NPFFR2: variants seen among roughly 807,000 people sequenced by gnomAD.
NPFFR2 encodes the protein G-protein coupled receptor 74.
In NPFFR2, 15 loss-of-function variants were observed where a neutral mutation model predicts 13.1. That is an observed-to-expected ratio of 1.15 (90% CI 0.77 to 1.76). The LOEUF (loss-of-function observed/expected upper bound fraction) is 1.76, where lower values mean the gene tolerates loss of function less well. Among genes scored for constraint, NPFFR2 ranks in the 40% most tolerant of loss-of-function variants. The pLI is 0.00. For missense variants in NPFFR2, 572 were observed against 503.5 expected (o/e 1.14, Z -1.30); for synonymous variants, 190 against 175.7 (o/e 1.08, Z -0.65).
chr4:72,047,704 C>T lies in NPFFR2; in HGVS notation c.-8+15504C>T, dbSNP rs145034475. Among the ~76,000 whole-genome samples the T allele has an allele frequency of 2.0e-5, 3 of 152,076 alleles. No homozygotes were observed. The East Asian group carries it at 5.8e-4, about 29-fold the overall frequency. On this transcript the variant is annotated intron_variant, in intron 1 of 3. Coordinates refer to ENST00000308744, the MANE Select transcript of NPFFR2 (RefSeq NM_004885.3). ...TTGTGTTTAATTCACAGCAGAAGATCCTAAATGAGTAATGAATGAATAAAA... is the reference window on the plus strand; with the variant it reads ...TTGTGTTTAATTCACAGCAGAAGATTCTAAATGAGTAATGAATGAATAAAA...
rs561376350 is a variant in NPFFR2, at chr4:72,084,836, T to C, written c.-7-43749T>C. Among the ~76,000 whole-genome samples, 174 of 152,206 alleles carry C rather than the reference T, an allele frequency of 1.1e-3. 1 individual carries two copies. Among genetic ancestry groups the C allele is most frequent in the Non-Finnish European group, 3.2e-4 (22 of 68,012 alleles). ...TTCCACATATTTACTCAGAGAGCTC[T>C]TTTCGCCCACAGCACTAGGCAGCTG... On this transcript the variant is annotated intron_variant, in intron 1 of 3. Coordinates refer to ENST00000308744, the MANE Select transcript of NPFFR2 (RefSeq NM_004885.3).
chr4:72,094,374 G>C (rs574242839), intron 1 of NPFFR2, among the ~76,000 whole-genome samples: 2 of 152,304 alleles, frequency 1.3e-5, no homozygotes, highest in South Asian at 4.1e-4. Context: ...GAGGATACAA[G>C]CTTGGCCTAG....
chr4:72,115,117 G>A (rs760014305), intron 1 of NPFFR2, among the ~76,000 whole-genome samples: 1 of 152,026 alleles, frequency 6.6e-6, no homozygotes, highest in South Asian at 2.1e-4. Context: ...ATTTTTGTCT[G>A]TTCATGGCCA....
At chr4:72,123,997 T>C (rs1375024552) in intron 1 of NPFFR2, among the ~76,000 whole-genome samples, 1 of 152,196 alleles carries the variant, frequency 6.6e-6, no homozygotes, top group Non-Finnish European at 1.5e-5. Flanking sequence ...GATGATATGA[T>C]TGTATATTTA....
At chr4:72,079,087 C>CACACACACACAT (rs1553890218) in intron 1 of NPFFR2, among the ~76,000 whole-genome samples, 1,827 of 143,268 alleles carry the variant, frequency 0.013, 44 homozygotes, top group African/African-American at 0.044. Flanking sequence ...CACACACACA[C>CACACACACACAT]ATCTGTTGAA....
intron 1 of NPFFR2, among the ~76,000 whole-genome samples, chr4:72,109,081 G>A (rs1318899818): frequency 6.6e-6 from 1 of 152,042 alleles, no homozygotes; most frequent in Non-Finnish European, 1.5e-5. Flanking sequence ...AAAACTTACA[G>A]TATCAATCAG....
At chr4:72,096,091 T>G (rs1721064928) in intron 1 of NPFFR2, among the ~76,000 whole-genome samples, 1 of 152,232 alleles carries the variant, frequency 6.6e-6, no homozygotes, top group Non-Finnish European at 1.5e-5. Flanking sequence ...AAAGTCTTTT[T>G]TCAAATTATG....
chr4:72,032,647 A>T (rs1444619969), intron 1 of NPFFR2, among the ~76,000 whole-genome samples: 3 of 152,240 alleles, frequency 2.0e-5, no homozygotes, highest in African/African-American at 7.2e-5. Context: ...AGAAAAGCTG[A>T]AATCAGGTTT....
chr4:72,057,572 A>C (rs1410023578), intron 1 of NPFFR2, among the ~76,000 whole-genome samples: 2 of 151,950 alleles, frequency 1.3e-5, no homozygotes, highest in Non-Finnish European at 2.9e-5. Context: ...CACTGGATTT[A>C]GGGCTCACCC....
At chr4:72,075,857 T>C (rs115252515) in intron 1 of NPFFR2, among the ~76,000 whole-genome samples, 2,260 of 151,990 alleles carry the variant, frequency 0.015, 65 homozygotes, top group African/African-American at 0.051. Flanking sequence ...GTGGTGATGG[T>C]TGCACAACAA....
chr4:72,086,364 A>G (rs1720770811), intron 1 of NPFFR2, among the ~76,000 whole-genome samples: 1 of 152,090 alleles, frequency 6.6e-6, no homozygotes, highest in African/African-American at 2.4e-5. Flanking sequence ...GGACCAGAAC[A>G]TGGATATCAC....
intron 1 of NPFFR2, among the ~76,000 whole-genome samples, chr4:72,122,319 C>T (rs1721906638): frequency 6.6e-6 from 1 of 152,064 alleles, no homozygotes; most frequent in Non-Finnish European, 1.5e-5. Flanking sequence ...CTTTAACACC[C>T]CACTGTCAAT....
intron 2 of NPFFR2, among the ~76,000 whole-genome samples, chr4:72,136,825 G>A (rs1336116337): frequency 6.6e-6 from 1 of 152,112 alleles, no homozygotes; most frequent in Non-Finnish European, 1.5e-5. Context: ...AAAAGCCAGT[G>A]GCATCTAATT....
At chr4:72,051,129 G>A (rs1419401703) in intron 1 of NPFFR2, among the ~76,000 whole-genome samples, 1 of 151,858 alleles carries the variant, frequency 6.6e-6, no homozygotes, top group Admixed American at 6.6e-5. Context: ...TATATACCCA[G>A]TAATGGGATG....
chr4:72,117,904 G>A (rs1721756978), intron 1 of NPFFR2, among the ~76,000 whole-genome samples: 1 of 152,146 alleles, frequency 6.6e-6, no homozygotes, highest in Non-Finnish European at 1.5e-5. Context: ...TACTTTGCTT[G>A]TGTTCTGGTA....
At chr4:72,118,224 G>A (rs577502523) in intron 1 of NPFFR2, among the ~76,000 whole-genome samples, 20 of 152,196 alleles carry the variant, frequency 1.3e-4, no homozygotes, top group Admixed American at 7.9e-4. Flanking sequence ...GACATTTAGC[G>A]GATTAGTTAA....
At chr4:72,053,534 T>C (rs1286661267) in intron 1 of NPFFR2, among the ~76,000 whole-genome samples, 4 of 152,010 alleles carry the variant, frequency 2.6e-5, no homozygotes, top group African/African-American at 4.8e-5. Context: ...TATTACCATG[T>C]ATTTTGTTTT....
At chr4:72,060,229 T>C (rs13149757) in intron 1 of NPFFR2, among the ~76,000 whole-genome samples, 1 of 152,120 alleles carries the variant, frequency 6.6e-6, no homozygotes, top group Non-Finnish European at 1.5e-5. Flanking sequence ...ATAATCTCTG[T>C]GTGTCAGACG....
At chr4:72,143,692 T>A (rs1722697798) in intron 3 of NPFFR2, among the ~76,000 whole-genome samples, 1 of 152,228 alleles carries the variant, frequency 6.6e-6, no homozygotes, top group Non-Finnish European at 1.5e-5. Flanking sequence ...GTCAGTGCTC[T>A]GCCAGATCTC....
Sources: allele counts gnomAD v4.1 joint callset (sites outside exome capture counted in the v4.1 genomes callset), GRCh38; gene constraint gnomAD v4.1.1; transcripts MANE v1.5; gene names NCBI Gene and HGNC (gene_info 2026-07-23, HGNC 2026-07-21).